Variants in ZEB1 observed in about 807,000 individuals in gnomAD.
ZEB1 encodes zinc finger E-box binding homeobox 1.
Under a neutral mutation model 84.9 loss-of-function variants are expected in ZEB1, and 21 were observed. That is an observed-to-expected ratio of 0.25 (90% CI 0.18 to 0.36). ZEB1 has a LOEUF of 0.36. ZEB1 is among the 10% of genes least tolerant of loss of function. The probability of loss-of-function intolerance (pLI) is 1.00; values close to 1 mark genes in which losing one functional copy is unlikely to be tolerated. For missense variants in ZEB1, 1,104 were observed against 1,330.2 expected, an observed-to-expected ratio of 0.83 and a Z score of 2.65; for synonymous variants, 420 against 471.1, an observed-to-expected ratio of 0.89 and a Z score of 1.41.
At chr10:31,469,767 GACAA>G (rs1417647292) in intron 2 of ZEB1, among the ~76,000 whole-genome samples, 4 of 152,318 alleles carry the variant, frequency 2.6e-5, no homozygotes, top group Admixed American at 6.5e-5. Flanking sequence ...GCAGGGCACA[GACAA>G]ACAAAAAGAC....
chr10:31,392,492 C>A (rs1165799452), intron 1 of ZEB1, among the ~76,000 whole-genome samples: 1 of 152,040 alleles, frequency 6.6e-6, no homozygotes, highest in Non-Finnish European at 1.5e-5. Flanking sequence ...ATTTTAAGGT[C>A]TTTTTGATCA....
At chr10:31,493,533 T>C (rs970763271) in intron 2 of ZEB1, among the ~76,000 whole-genome samples, 1 of 152,012 alleles carries the variant, frequency 6.6e-6, no homozygotes, top group Non-Finnish European at 1.5e-5. Flanking sequence ...GAAAAAAATA[T>C]GTACAAGTAG....
At chr10:31,435,599 A>G (rs1214343201) in intron 1 of ZEB1, among the ~76,000 whole-genome samples, 1 of 152,154 alleles carries the variant, frequency 6.6e-6, no homozygotes, top group African/African-American at 2.4e-5. Flanking sequence ...AGCTGTGTGG[A>G]GTTGGAAACA....
At chr10:31,440,476 A>T (rs1249308551) in intron 1 of ZEB1, among the ~76,000 whole-genome samples, 1 of 152,198 alleles carries the variant, frequency 6.6e-6, no homozygotes, top group Non-Finnish European at 1.5e-5. Flanking sequence ...AATTGGGAGC[A>T]TTCCCTTTGA....
chr10:31,514,433 T>C (rs2070700859), intron 5 of ZEB1, among the ~76,000 whole-genome samples, 170 bp from the exon 6 acceptor site: 2 of 152,148 alleles, frequency 1.3e-5, no homozygotes, highest in Admixed American at 1.3e-4. Flanking sequence ...CTGCTACAAC[T>C]GCTAATAATT....
intron 1 of ZEB1, among the ~76,000 whole-genome samples, chr10:31,346,147 A>C (rs1039693688): frequency 4.6e-5 from 7 of 152,176 alleles, no homozygotes; most frequent in African/African-American, 1.4e-4. Context: ...TATGACAACT[A>C]TTAGTTAATT....
intron 1 of ZEB1, among the ~76,000 whole-genome samples, chr10:31,459,841 G>A (rs1343914962): frequency 8.8e-6 from 1 of 113,840 alleles, no homozygotes; most frequent in Non-Finnish European, 1.7e-5. Context: ...GTGTGTGTGT[G>A]TGTGTGTGTG....
chr10:31,476,024 C>G (rs1236072643), intron 2 of ZEB1, among the ~76,000 whole-genome samples: 1 of 152,024 alleles, frequency 6.6e-6, no homozygotes, highest in Non-Finnish European at 1.5e-5. Flanking sequence ...ACTTAACCAT[C>G]TGCTGCCTAC....
intron 1 of ZEB1, among the ~76,000 whole-genome samples, chr10:31,407,778 G>A (rs1344582480): frequency 1.3e-5 from 2 of 151,244 alleles, no homozygotes; most frequent in African/African-American, 2.4e-5. Context: ...CAAACCCACA[G>A]CCAATATCAT....
chr10:31,440,166 G>C (rs1554863598), intron 1 of ZEB1, among the ~76,000 whole-genome samples: 1 of 152,108 alleles, frequency 6.6e-6, no homozygotes, highest in Non-Finnish European at 1.5e-5. Flanking sequence ...CTATCACTGA[G>C]ACTTTTGGCC....
intron 3 of ZEB1, among the ~76,000 whole-genome samples, chr10:31,497,055 A>AACT: frequency 6.6e-6 from 1 of 152,264 alleles, no homozygotes; most frequent in Middle Eastern, 3.4e-3. Flanking sequence ...TGCATGAATA[A>AACT]TGTATTCAGA....
chr10:31,347,349 C>T (rs1220961519), intron 1 of ZEB1, among the ~76,000 whole-genome samples: 4 of 151,970 alleles, frequency 2.6e-5, no homozygotes, highest in East Asian at 1.9e-4. Context: ...TTATTGAAAA[C>T]ATTTGTTTAG....
intron 1 of ZEB1, among the ~76,000 whole-genome samples, chr10:31,449,297 C>A (rs1196017330): frequency 1.3e-5 from 2 of 152,248 alleles, no homozygotes; most frequent in Admixed American, 1.3e-4. Flanking sequence ...CACCCACTGG[C>A]CTGCGCCTAC....
intron 1 of ZEB1, among the ~76,000 whole-genome samples, chr10:31,430,432 CA>C (rs1235860568): frequency 6.6e-6 from 1 of 152,174 alleles, no homozygotes; most frequent in Non-Finnish European, 1.5e-5. Context: ...GCAAACCAAA[CA>C]CTGCCTTTAA....
intron 1 of ZEB1, among the ~76,000 whole-genome samples, chr10:31,350,517 CT>C (rs2041141975): frequency 6.6e-6 from 1 of 152,128 alleles, no homozygotes; most frequent in Admixed American, 6.5e-5. Flanking sequence ...CTCATGGAGA[CT>C]TTGGTAAAAT....
chr10:31,383,965 CTTTTTTTT>C (rs66865546), intron 1 of ZEB1, among the ~76,000 whole-genome samples: 13 of 56,394 alleles, frequency 2.3e-4, no homozygotes, highest in Non-Finnish European at 3.3e-4. Context: ...TAGATTAGTG[CTTTTTTTT>C]TTTTTTTTTT....
chr10:31,363,071 G>C (rs1347464368), intron 1 of ZEB1: 2 of 1,533,860 alleles, frequency 1.3e-6, no homozygotes, highest in Non-Finnish European at 1.7e-6. Flanking sequence ...GGCCCCGACA[G>C]TTTTCTTTTG....
chr10:31,319,497 A>T lies in ZEB1; in HGVS notation c.58+205A>T, dbSNP rs2033121098. 5.0e-6 allele frequency: 3 copies of T among 604,712 alleles called. No individual in the cohort carries two copies. In the African/African-American group the frequency reaches 5.7e-5, roughly 12 times the overall value. 37.5% of individuals were successfully genotyped at this position (604,712 alleles called of 1,614,324 possible). On this transcript the variant is annotated intron_variant, in intron 1 of 8. Coordinates refer to ENST00000424869, the MANE Select transcript of ZEB1 (RefSeq NM_001174096.2). ...GCGCCGCGGCCGCTCGCTCTCCCTGAACCGTTATGTCTCTTACCTGGTCTC... is the reference window on the plus strand; with the variant it reads ...GCGCCGCGGCCGCTCGCTCTCCCTGTACCGTTATGTCTCTTACCTGGTCTC...
At chr10:31,345,661 A>G (rs1039903793) in intron 1 of ZEB1, among the ~76,000 whole-genome samples, 4 of 152,102 alleles carry the variant, frequency 2.6e-5, no homozygotes, top group Non-Finnish European at 5.9e-5. Flanking sequence ...CTGATACTCT[A>G]AAAGGAGAAT....
Sources: gnomAD v4.1 joint callset for allele counts (sites outside exome capture counted in the v4.1 genomes callset) on GRCh38, gnomAD v4.1.1 for gene constraint, MANE v1.5 for transcripts, NCBI Gene and HGNC (gene_info 2026-07-23, HGNC 2026-07-21) for gene names.